PPARGC1A: variants seen among roughly 807,000 people sequenced by gnomAD.
The protein encoded by PPARGC1A is peroxisome proliferator-activated receptor gamma coactivator 1-alpha.
Under a neutral mutation model 88.7 loss-of-function variants are expected in PPARGC1A, and 25 were observed. The observed-to-expected ratio is 0.28, with a 90% confidence interval of 0.21 to 0.39. PPARGC1A has a LOEUF of 0.39. Among genes scored for constraint, PPARGC1A ranks in the 10% least tolerant of loss-of-function variants. PPARGC1A has a pLI of 1.00. For missense variants in PPARGC1A, 880 were observed against 968.7 expected (o/e 0.91, Z 1.22); for synonymous variants, 363 against 355.6 (o/e 1.02, Z -0.24).
chr4:24,377,107 A>T, the PPARGC1A span, among the ~76,000 whole-genome samples: 1 of 152,116 alleles, frequency 6.6e-6, no homozygotes, highest in Non-Finnish European at 1.5e-5. Flanking sequence ...GTGAAAAAAA[A>T]ATCTAGGAAA....
the PPARGC1A span, among the ~76,000 whole-genome samples, chr4:24,087,542 C>T: frequency 1.6e-3 from 241 of 152,254 alleles, 1 homozygote; most frequent in Admixed American, 2.6e-3. Context: ...AACAACTGGC[C>T]AAAACAATGA....
the PPARGC1A span, among the ~76,000 whole-genome samples, chr4:24,095,376 C>T: frequency 6.6e-6 from 1 of 152,152 alleles, no homozygotes; most frequent in Admixed American, 6.5e-5. Flanking sequence ...CTCAGCCTCC[C>T]AAAGTGCTGA....
chr4:23,994,322 A>G, the PPARGC1A span, among the ~76,000 whole-genome samples: 2 of 152,154 alleles, frequency 1.3e-5, no homozygotes, highest in African/African-American at 4.8e-5. Flanking sequence ...AAGATTCAGC[A>G]GAGAGACTTT....
rs202088338 is a variant in PPARGC1A at position 23,859,860 on chromosome 4, C to T, written c.234+24892G>A. Among the ~76,000 whole-genome samples the T allele has an allele frequency of 4.1e-4, 61 of 148,368 alleles. 1 individual carries two copies. In the East Asian group the frequency reaches 0.012, roughly 28 times the overall value. ...TAAAATAAAATAAAATAAAATAACA[C>T]CAAAAAAGAGAAAGAATTTTCATGT... On this transcript the variant is annotated intron_variant, in intron 2 of 12. Transcript: ENST00000264867.
the PPARGC1A span, among the ~76,000 whole-genome samples, chr4:24,196,592 C>T: frequency 6.6e-6 from 1 of 152,134 alleles, no homozygotes; most frequent in Admixed American, 6.5e-5. Context: ...GCCAGGCTGT[C>T]CCTGGAACAG....
At chr4:24,044,017 G>A in the PPARGC1A span, among the ~76,000 whole-genome samples, 1 of 152,164 alleles carries the variant, frequency 6.6e-6, no homozygotes, top group East Asian at 1.9e-4. Flanking sequence ...GATCAATGTG[G>A]CCTGGAAATG....
the PPARGC1A span, among the ~76,000 whole-genome samples, chr4:24,103,629 T>C: frequency 2.1e-5 from 3 of 144,552 alleles, no homozygotes; most frequent in East Asian, 4.4e-4. Flanking sequence ...CAGTATAAAA[T>C]GAACCGGAAT....
the PPARGC1A span, among the ~76,000 whole-genome samples, chr4:24,017,384 G>C: frequency 6.6e-6 from 1 of 152,110 alleles, no homozygotes; most frequent in Non-Finnish European, 1.5e-5. Flanking sequence ...CTGAAGAAAT[G>C]AATGATGAGG....
the PPARGC1A span, among the ~76,000 whole-genome samples, chr4:24,015,126 AAT>A: frequency 5.3e-5 from 8 of 152,204 alleles, no homozygotes; most frequent in Non-Finnish European, 1.0e-4. Flanking sequence ...TGAAATTGCC[AAT>A]ATTTCATCAT....
chr4:24,046,172 A>G, the PPARGC1A span, among the ~76,000 whole-genome samples: 1 of 152,186 alleles, frequency 6.6e-6, no homozygotes, highest in East Asian at 1.9e-4. Flanking sequence ...ATATGTCCCT[A>G]TAATGGTTTG....
the PPARGC1A span, among the ~76,000 whole-genome samples, chr4:23,930,195 A>G: frequency 1.1e-4 from 17 of 152,310 alleles, no homozygotes; most frequent in Non-Finnish European, 2.5e-4. Context: ...GAATATTTAT[A>G]TTACTACCCA....
the PPARGC1A span, among the ~76,000 whole-genome samples, chr4:24,052,570 G>A: frequency 6.6e-6 from 1 of 151,246 alleles, no homozygotes; most frequent in African/African-American, 2.4e-5. Context: ...CCGGGAGGCA[G>A]AGGTTGCAGT....
chr4:24,309,788 G>T, the PPARGC1A span, among the ~76,000 whole-genome samples: 5 of 152,158 alleles, frequency 3.3e-5, no homozygotes, highest in African/African-American at 4.8e-5. Flanking sequence ...TGGCTGCTGC[G>T]TGATGAATAG....
chr4:23,906,607 C>CAAAAAAAAAA (rs35171233), upstream of PPARGC1A, among the ~76,000 whole-genome samples: 3 of 63,728 alleles, frequency 4.7e-5, no homozygotes, highest in Non-Finnish European at 7.7e-5. Context: ...CTCTGTCTCA[C>CAAAAAAAAAA]AAAAAAAAAA....
chr4:24,471,908 C>T, the PPARGC1A span, among the ~76,000 whole-genome samples: 4 of 152,274 alleles, frequency 2.6e-5, no homozygotes, highest in South Asian at 6.2e-4. The surrounding 1 kb of genome is among the most constrained non-coding windows in gnomAD (Gnocchi z 5.4). Flanking sequence ...GCTCGGGCCC[C>T]GAGGGGAGTG....
the PPARGC1A span, among the ~76,000 whole-genome samples, chr4:23,959,017 C>CA: frequency 8.1e-3 from 1,122 of 138,834 alleles, 21 homozygotes; most frequent in African/African-American, 0.029. Flanking sequence ...TTTACCAAAC[C>CA]AAAAAAAAAA....
chr4:24,418,439 C>T, the PPARGC1A span, among the ~76,000 whole-genome samples: 1 of 152,222 alleles, frequency 6.6e-6, no homozygotes, highest in South Asian at 2.1e-4. Flanking sequence ...GCCAGCCAAG[C>T]ACTATGGCAG....
intron 12 of PPARGC1A, among the ~76,000 whole-genome samples, chr4:23,799,474 A>C (rs1718258181): frequency 6.6e-6 from 1 of 152,232 alleles, no homozygotes; most frequent in African/African-American, 2.4e-5. Flanking sequence ...GCCCAACGGC[A>C]GTGGTAAGTC....
chr4:23,962,499 G>A, the PPARGC1A span, among the ~76,000 whole-genome samples: 1 of 152,160 alleles, frequency 6.6e-6, no homozygotes, highest in East Asian at 1.9e-4. Context: ...GTCCAAGGCT[G>A]CCCAAGACAA....
Sources: allele counts gnomAD v4.1 joint callset (sites outside exome capture counted in the v4.1 genomes callset), GRCh38; gene constraint gnomAD v4.1.1; non-coding constraint Gnocchi (gnomAD v3.1); transcripts MANE v1.5; gene names NCBI Gene and HGNC (gene_info 2026-07-23, HGNC 2026-07-21).